ABLIM1: variants seen among roughly 807,000 people sequenced by gnomAD.
ABLIM1 encodes actin-binding LIM protein 1.
Under a neutral mutation model 107.0 loss-of-function variants are expected in ABLIM1, and 40 were observed. The observed-to-expected ratio is 0.37, with a 90% CI of 0.29 to 0.49. The LOEUF (loss-of-function observed/expected upper bound fraction) is 0.49, where lower values mean the gene tolerates loss of function less well. Ranked by LOEUF, ABLIM1 falls within the 20% of genes least tolerant of loss-of-function variation. The pLI, the probability that ABLIM1 is intolerant of heterozygous loss-of-function variation, is 0.97. For synonymous variants in ABLIM1, 357 were observed against 357.3 expected, an observed-to-expected ratio of 1.00 and a Z score of 0.01; for missense variants, 857 against 1,008.5, an observed-to-expected ratio of 0.85 and a Z score of 2.04.
intron 1 of ABLIM1, among the ~76,000 whole-genome samples, chr10:114,609,716 G>C (rs915502299): frequency 2.6e-5 from 4 of 152,178 alleles, no homozygotes; most frequent in African/African-American, 9.7e-5. Flanking sequence ...CGAAGGTCCA[G>C]GGTCCTGAAC....
chr10:114,720,581 G>A (rs2081819517), intron 1 of ABLIM1, among the ~76,000 whole-genome samples: 1 of 152,128 alleles, frequency 6.6e-6, no homozygotes, highest in Non-Finnish European at 1.5e-5. Context: ...TCCACAGGCT[G>A]CTTCAGCCAA....
At chr10:114,720,500 A>C (rs2081816440) in intron 1 of ABLIM1, among the ~76,000 whole-genome samples, 1 of 152,200 alleles carries the variant, frequency 6.6e-6, no homozygotes, top group South Asian at 2.1e-4. Context: ...ACAGTGTAAA[A>C]GAGTTCCTAT....
rs918785728 is a variant in ABLIM1, at chr10:114,632,102, T to G, written c.244+25855A>C. The G allele has an allele frequency of 2.7e-5, 27 of 985,016 alleles. No homozygotes were observed. In the African/African-American group the frequency reaches 3.5e-4, roughly 13 times the overall value. The allele number at this position is 985,016 out of a possible 1,614,324, so 61.0% of individuals were successfully genotyped here. On this transcript the variant is annotated intron_variant, in intron 1 of 22. Coordinates refer to ENST00000533213, the MANE Select transcript of ABLIM1 (RefSeq NM_002313.7). ...CCCGCCTCGGCGGGCCCCGCTCCCA[T>G]GCCCGCCCCGCTATCGCCCCCGCGC...
chr10:114,550,425 GC>G (rs1453937008), intron 4 of ABLIM1, among the ~76,000 whole-genome samples: 3 of 151,990 alleles, frequency 2.0e-5, no homozygotes, highest in Non-Finnish European at 2.9e-5. Flanking sequence ...TAGGTTCACA[GC>G]AAAATTGAGC....
chr10:114,649,176 T>G (rs12773308), intron 1 of ABLIM1, among the ~76,000 whole-genome samples: 25 of 151,790 alleles, frequency 1.6e-4, no homozygotes, highest in Admixed American at 1.4e-3. Context: ...GGCGGGCAGG[T>G]CATTTGAGGT....
At chr10:114,557,554 A>G (rs2068913961) in intron 4 of ABLIM1, among the ~76,000 whole-genome samples, 1 of 152,098 alleles carries the variant, frequency 6.6e-6, no homozygotes. Context: ...CATAGTTTTC[A>G]TAAATAGAGG....
chr10:114,751,166 A>T lies in ABLIM1; in HGVS notation c.-213+16895T>A, dbSNP rs1333681656. On this transcript the variant is annotated intron_variant, in intron 1 of 15. Transcript: ENST00000651092. ...TTTTCTCATTGCTCTTTGCCAAAAAACATTGGGGAGTTGTTTGTACCAGAA... is the reference window on the plus strand; with the variant it reads ...TTTTCTCATTGCTCTTTGCCAAAAATCATTGGGGAGTTGTTTGTACCAGAA... Among the ~76,000 whole-genome samples the T allele has an allele frequency of 2.0e-5, 3 of 152,188 alleles. No homozygotes were observed. In the East Asian group the frequency reaches 5.8e-4, roughly 29 times the overall value.
chr10:114,547,845 T>G, intron 4 of ABLIM1, 69 bp from the exon 5 acceptor site: 1 of 1,570,840 alleles, frequency 6.4e-7, no homozygotes, highest in Non-Finnish European at 8.6e-7. Context: ...CAGCCCAATT[T>G]CAACCCCACT....
intron 17 of ABLIM1, among the ~76,000 whole-genome samples, chr10:114,442,988 G>A (rs1244599983): frequency 4.0e-5 from 6 of 151,028 alleles, no homozygotes; most frequent in East Asian, 2.0e-4. Context: ...GCAGGAGCCC[G>A]CCACCACACC....
chr10:114,741,178 A>AATT (rs2142287026), intron 1 of ABLIM1, among the ~76,000 whole-genome samples: 1 of 150,940 alleles, frequency 6.6e-6, no homozygotes, highest in East Asian at 1.9e-4. Flanking sequence ...AGTCACCCTA[A>AATT]AGATTCTGCT....
intron 1 of ABLIM1, among the ~76,000 whole-genome samples, chr10:114,732,693 T>C (rs1193593239): frequency 8.5e-5 from 13 of 152,228 alleles, no homozygotes; most frequent in Non-Finnish European, 1.3e-4. Context: ...TTAGTTATGC[T>C]ACCATGGTAT....
At chr10:114,692,747 G>T (rs1484148681) in intron 1 of ABLIM1, among the ~76,000 whole-genome samples, 1 of 151,996 alleles carries the variant, frequency 6.6e-6, no homozygotes, top group South Asian at 2.1e-4. Flanking sequence ...AAAATTAGCC[G>T]GGCGTGGTGG....
chr10:114,543,595 C>T (rs1490408400), intron 6 of ABLIM1, among the ~76,000 whole-genome samples: 1 of 152,188 alleles, frequency 6.6e-6, no homozygotes, highest in Non-Finnish European at 1.5e-5. Flanking sequence ...GCTGTGAACG[C>T]GTGCGTACAT....
In ABLIM1 at chr10:114,451,770, C is replaced by T. The variant is rs1237880234; in HGVS notation, c.1547-99G>A. 3 of 990,530 alleles carry T rather than the reference C, an allele frequency of 3.0e-6. No homozygotes were observed. The African/African-American group carries it at 4.9e-5, about 16-fold the overall frequency. The allele number at this position is 990,530 out of a possible 1,614,324, so 61.4% of individuals were successfully genotyped here. A position where few individuals can be genotyped will look rare whatever the true frequency, so the allele number is the denominator to read the frequency against. ...GGCAAATCAAACTGAAGATCTTGAA[C>T]AAAAACAACCCAGAAGGTTAATTTC... On this transcript the variant is annotated intron_variant, in intron 13 of 22. Transcript: ENST00000533213.
At chr10:114,755,495 C>A (rs1391636504) in intron 1 of ABLIM1, among the ~76,000 whole-genome samples, 1 of 152,162 alleles carries the variant, frequency 6.6e-6, no homozygotes, top group African/African-American at 2.4e-5. Context: ...CTTACTCATT[C>A]CTGTGCTTCA....
chr10:114,598,518 G>C (rs2075675752), intron 2 of ABLIM1, among the ~76,000 whole-genome samples: 1 of 152,048 alleles, frequency 6.6e-6, no homozygotes, highest in Admixed American at 6.5e-5. Flanking sequence ...AACCTGGAAG[G>C]CAGAGTTTGC....
At chr10:114,500,865 A>G (rs995560091) in intron 6 of ABLIM1, among the ~76,000 whole-genome samples, 2 of 152,052 alleles carry the variant, frequency 1.3e-5, no homozygotes, top group African/African-American at 4.8e-5. Context: ...ACTGGTGCCA[A>G]TCAAAGCAGG....
At chr10:114,797,716 G>A in the ABLIM1 span, among the ~76,000 whole-genome samples, 2 of 152,182 alleles carry the variant, frequency 1.3e-5, no homozygotes, top group Non-Finnish European at 2.9e-5. Context: ...AATACAGGAA[G>A]TCTCAACTGA....
At chr10:114,500,958 C>T (rs1261159917) in intron 6 of ABLIM1, among the ~76,000 whole-genome samples, 1 of 124,042 alleles carries the variant, frequency 8.1e-6, no homozygotes, top group African/African-American at 3.9e-5. Flanking sequence ...AACTCTACAC[C>T]TCCATGCTTC....
Sources: gnomAD v4.1 joint callset for allele counts (sites outside exome capture counted in the v4.1 genomes callset) on GRCh38, gnomAD v4.1.1 for gene constraint, MANE v1.5 for transcripts, NCBI Gene and HGNC (gene_info 2026-07-23, HGNC 2026-07-21) for gene names.